Variants in IMMP2L observed in about 807,000 individuals in gnomAD.
The protein encoded by IMMP2L is mitochondrial inner membrane protease subunit 2.
A neutral mutation model predicts 19.3 loss-of-function variants in IMMP2L; 18 were observed. The ratio of observed to expected loss-of-function variants is 0.93; its 90% CI spans 0.64 to 1.38. IMMP2L has a LOEUF of 1.38. IMMP2L is among the 40% of genes most tolerant of loss of function. The probability of loss-of-function intolerance (pLI) is 0.00; values close to 1 mark genes in which losing one functional copy is unlikely to be tolerated. For synonymous variants in IMMP2L, 76 were observed against 73.0 expected, an observed-to-expected ratio of 1.04 and a Z score of -0.21; for missense variants, 233 against 218.2, an observed-to-expected ratio of 1.07 and a Z score of -0.43.
At chr7:110,674,405 G>T (rs928556103) in intron 5 of IMMP2L, among the ~76,000 whole-genome samples, 4 of 152,174 alleles carry the variant, frequency 2.6e-5, no homozygotes, top group Non-Finnish European at 5.9e-5. Context: ...TAGAGCCAGG[G>T]TCAGAAGATG....
chr7:111,115,973 G>C (rs1451510581), intron 3 of IMMP2L, among the ~76,000 whole-genome samples: 3 of 152,042 alleles, frequency 2.0e-5, no homozygotes, highest in African/African-American at 4.8e-5. Flanking sequence ...CACCACATCC[G>C]GCCGGAATTA....
rs188153425 is a variant in IMMP2L, at chr7:111,443,856, G to A, written c.239+43382C>T. Among the ~76,000 whole-genome samples, 211 of 152,038 alleles carry A rather than the reference G, an allele frequency of 1.4e-3. 1 individual carries two copies. Among genetic ancestry groups the A allele is most frequent in the African/African-American group, 4.9e-3 (203 of 41,496 alleles). ...AAGGGGTGGAAAGTTAAAAAAGAAG[G>A]AATTTGATTTTTTATCTATTAGAAG... On this transcript the variant is annotated intron_variant, in intron 3 of 5. Transcript: ENST00000405709.
At chr7:110,864,250 T>C (rs1254411908) in intron 5 of IMMP2L, among the ~76,000 whole-genome samples, 3 of 152,050 alleles carry the variant, frequency 2.0e-5, no homozygotes, top group Non-Finnish European at 4.4e-5. Flanking sequence ...AGATGACATA[T>C]AAATTGAAAT....
In IMMP2L at chr7:111,287,964, G is replaced by A. The variant is rs564156078; in HGVS notation, c.239+199274C>T. Among the ~76,000 whole-genome samples, 8 of 152,248 alleles carry A rather than the reference G, an allele frequency of 5.3e-5. No individual in the cohort carries two copies. In the East Asian group the frequency reaches 1.5e-3, roughly 29 times the overall value. ...CCAAATTCCAATCAAAGAGAATCTG[G>A]GTTTCCATAAGCTCAATAATGAAAT... On this transcript the variant is annotated intron_variant, in intron 3 of 5. Transcript: ENST00000405709.
chr7:111,526,098 T>TA, intron 1 of IMMP2L, among the ~76,000 whole-genome samples: 2 of 151,210 alleles, frequency 1.3e-5, no homozygotes, highest in South Asian at 4.2e-4. Flanking sequence ...GAAACTAAAA[T>TA]AAGTTCAGTT....
intron 3 of IMMP2L, among the ~76,000 whole-genome samples, chr7:111,016,539 T>A (rs1439014462): frequency 8.3e-6 from 1 of 120,420 alleles, no homozygotes; most frequent in Non-Finnish European, 1.6e-5. Flanking sequence ...ATATTATATA[T>A]TATAATATAT....
chr7:110,918,131 A>G (rs574341972), intron 4 of IMMP2L, among the ~76,000 whole-genome samples: 1 of 152,240 alleles, frequency 6.6e-6, no homozygotes, highest in South Asian at 2.1e-4. Context: ...TTCCTTTCCT[A>G]TTTGCTGTAG....
intron 3 of IMMP2L, among the ~76,000 whole-genome samples, chr7:111,292,419 A>G (rs1821211016): frequency 6.6e-6 from 1 of 152,016 alleles, no homozygotes; most frequent in Admixed American, 6.6e-5. Context: ...TATGTGAATT[A>G]CCCTGCACAC....
chr7:110,871,484 C>A (rs1054445812), intron 5 of IMMP2L, among the ~76,000 whole-genome samples: 2 of 152,058 alleles, frequency 1.3e-5, no homozygotes, highest in Admixed American at 6.6e-5. Flanking sequence ...GAAGAACATT[C>A]TCAACATATT....
chr7:111,364,512 A>G (rs1829573499), intron 3 of IMMP2L, among the ~76,000 whole-genome samples: 1 of 151,670 alleles, frequency 6.6e-6, no homozygotes, highest in South Asian at 2.1e-4. Context: ...TGAGGATGCT[A>G]TAGTCCCAGC....
chr7:111,138,188 C>A (rs1384375774), intron 3 of IMMP2L, among the ~76,000 whole-genome samples: 1 of 152,148 alleles, frequency 6.6e-6, no homozygotes, highest in Non-Finnish European at 1.5e-5. Context: ...TCCATTCATT[C>A]TTTTCAAAAG....
At chr7:111,116,024 T>C (rs1380236941) in intron 3 of IMMP2L, among the ~76,000 whole-genome samples, 1 of 152,128 alleles carries the variant, frequency 6.6e-6, no homozygotes, top group Non-Finnish European at 1.5e-5. Flanking sequence ...CAAGCCTCAA[T>C]TCTAAAAACA....
chr7:110,947,923 C>T (rs983764842), intron 4 of IMMP2L, among the ~76,000 whole-genome samples: 1 of 152,156 alleles, frequency 6.6e-6, no homozygotes, highest in Admixed American at 6.6e-5. Flanking sequence ...TGTCCAGTTG[C>T]AGAGCCCAAA....
At chr7:110,746,405 C>T (rs932720135) in intron 5 of IMMP2L, among the ~76,000 whole-genome samples, 6 of 152,146 alleles carry the variant, frequency 3.9e-5, no homozygotes, top group Admixed American at 2.0e-4. Context: ...ACCAAGCAAA[C>T]CTAGTAGACA....
chr7:111,171,441 T>C lies in IMMP2L; in HGVS notation c.240-207876A>G, dbSNP rs971279406. Among the ~76,000 whole-genome samples the C allele has an allele frequency of 2.1e-4, 32 of 151,678 alleles. 1 individual carries two copies. The highest frequency in any genetic ancestry group is 2.0e-3 in the Admixed American group (30 of 15,186). ...TCACAATAACTATTTAAATATTTAC[T>C]CTAAAAGCCCAAAGAGAGAGAAAGA... On this transcript the variant is annotated intron_variant, in intron 3 of 5. Coordinates refer to ENST00000405709, the MANE Select transcript of IMMP2L (RefSeq NM_032549.4).
chr7:111,273,253 G>C (rs561969597), intron 3 of IMMP2L, among the ~76,000 whole-genome samples: 2 of 151,886 alleles, frequency 1.3e-5, no homozygotes, highest in South Asian at 4.2e-4. Flanking sequence ...TTCCAGCCTG[G>C]GCATCAGAAT....
At chr7:110,786,361 G>T (rs1345767247) in intron 5 of IMMP2L, among the ~76,000 whole-genome samples, 1 of 151,988 alleles carries the variant, frequency 6.6e-6, no homozygotes, top group Non-Finnish European at 1.5e-5. Context: ...ACTGAGAACA[G>T]ATGAGAGTTC....
At chr7:110,869,622 T>A (rs372121323) in intron 5 of IMMP2L, among the ~76,000 whole-genome samples, 2 of 152,252 alleles carry the variant, frequency 1.3e-5, no homozygotes, top group South Asian at 2.1e-4. Flanking sequence ...TGGGGAATAC[T>A]TGCTGAAGTA....
intron 3 of IMMP2L, among the ~76,000 whole-genome samples, chr7:111,290,570 G>A (rs1454050275): frequency 6.6e-6 from 1 of 151,782 alleles, no homozygotes; most frequent in Non-Finnish European, 1.5e-5. Flanking sequence ...CAGCAACCTT[G>A]TAGAAGTAGT....
Sources: gnomAD v4.1 joint callset for allele counts (sites outside exome capture counted in the v4.1 genomes callset) on GRCh38, gnomAD v4.1.1 for gene constraint, MANE v1.5 for transcripts, NCBI Gene and HGNC (gene_info 2026-07-23, HGNC 2026-07-21) for gene names.